ATP8B4: variants seen among roughly 807,000 people sequenced by gnomAD.
ATP8B4 encodes the protein probable phospholipid-transporting ATPase IM.
Under a neutral mutation model 145.6 loss-of-function variants are expected in ATP8B4, and 133 were observed. The observed-to-expected ratio is 0.91, with a 90% CI of 0.79 to 1.05. ATP8B4 has a LOEUF of 1.05. Among genes scored for constraint, ATP8B4 ranks in the 50% least tolerant of loss-of-function variants. The pLI is 0.00. For missense variants in ATP8B4, 1,458 were observed against 1,425.2 expected, an observed-to-expected ratio of 1.02 and a Z score of -0.37; for synonymous variants, 507 against 492.9, an observed-to-expected ratio of 1.03 and a Z score of -0.38.
At chr15:50,181,213 A>G (rs969683959) in intron 1 of ATP8B4, among the ~76,000 whole-genome samples, 1 of 152,220 alleles carries the variant, frequency 6.6e-6, no homozygotes, top group Non-Finnish European at 1.5e-5. Flanking sequence ...TCAAATTAAG[A>G]TAGAGGAACA....
chr15:49,986,885 C>T (rs1330051996), intron 10 of ATP8B4, among the ~76,000 whole-genome samples: 1 of 138,216 alleles, frequency 7.2e-6, no homozygotes, highest in Non-Finnish European at 1.5e-5. Flanking sequence ...CCATCATGCA[C>T]AGTCTTTCCA....
intron 20 of ATP8B4, among the ~76,000 whole-genome samples, chr15:49,916,002 T>C (rs540659119): frequency 2.6e-5 from 4 of 152,032 alleles, no homozygotes; most frequent in South Asian, 2.1e-4. Flanking sequence ...TACTATTATA[T>C]TGAAGGAAGG....
At chr15:50,017,991 C>T (rs12591112) in intron 6 of ATP8B4, among the ~76,000 whole-genome samples, 27 of 140,284 alleles carry the variant, frequency 1.9e-4, no homozygotes, top group Middle Eastern at 3.7e-3. Flanking sequence ...CTTTTTTTTT[C>T]TTTTTTTTTT....
intron 14 of ATP8B4, among the ~76,000 whole-genome samples, chr15:49,954,969 T>C (rs1252697546): frequency 6.6e-6 from 1 of 152,198 alleles, no homozygotes; most frequent in African/African-American, 2.4e-5. Context: ...GTGGTAAATA[T>C]ACACTATGCA....
At chr15:49,962,937 T>C (rs924617296) in intron 13 of ATP8B4, among the ~76,000 whole-genome samples, 2 of 150,380 alleles carry the variant, frequency 1.3e-5, no homozygotes, top group Non-Finnish European at 2.9e-5. Context: ...CTTATAATAA[T>C]AATGAGTTAC....
intron 1 of ATP8B4, among the ~76,000 whole-genome samples, chr15:50,154,890 G>A (rs766294202): frequency 5.3e-5 from 8 of 151,934 alleles, no homozygotes; most frequent in South Asian, 2.1e-4. Context: ...TGGCCAGGCT[G>A]GACAGCAATT....
chr15:50,044,361 G>T (rs2051556536), intron 5 of ATP8B4, among the ~76,000 whole-genome samples: 1 of 152,194 alleles, frequency 6.6e-6, no homozygotes, highest in Non-Finnish European at 1.5e-5. Context: ...CTGGGCTTTA[G>T]TTTTCTCATC....
Position 49,860,077 on chromosome 15 carries a change from T to A in ATP8B4, c.*117A>T, listed in dbSNP as rs4494483. The A allele has an allele frequency of 0.26, 337,232 of 1,285,546 alleles. 46,394 individuals carry two copies. Among genetic ancestry groups the A allele is most frequent in the Middle Eastern group, 0.29 (1,517 of 5,164 alleles). 79.6% of individuals were successfully genotyped at this position (1,285,546 alleles called of 1,614,324 possible). Reference sequence around the variant, plus strand: ...GCAGTTGTCTGCCGCAGATTTAAGTTAAGTGAGGCAATCTGCCTGCCCCAC... The same window carrying A: ...GCAGTTGTCTGCCGCAGATTTAAGTAAAGTGAGGCAATCTGCCTGCCCCAC... On this transcript the variant is annotated 3_prime_UTR_variant, in exon 28 of 28. Transcript: ENST00000284509.
At chr15:49,996,873 A>C in intron 8 of ATP8B4, 114 bp from the exon 9 acceptor site, 1 of 718,044 alleles carries the variant, frequency 1.4e-6, no homozygotes, top group South Asian at 2.0e-5. Flanking sequence ...GATCCAAGAA[A>C]CTCTCCTTTG....
chr15:50,110,593 T>G (rs1172251946), intron 1 of ATP8B4, among the ~76,000 whole-genome samples: 4 of 152,232 alleles, frequency 2.6e-5, no homozygotes, highest in Non-Finnish European at 5.9e-5. Flanking sequence ...ATTTTGAAAT[T>G]TAACCCTTTA....
At chr15:50,072,938 CT>C (rs1265600876) in intron 3 of ATP8B4, among the ~76,000 whole-genome samples, 1 of 20,272 alleles carries the variant, frequency 4.9e-5, no homozygotes, top group African/African-American at 2.0e-4. Flanking sequence ...CTCTCTCTCT[CT>C]CTCTCTCTCT....
chr15:50,003,214 T>C (rs193260761), intron 7 of ATP8B4, among the ~76,000 whole-genome samples: 42 of 152,066 alleles, frequency 2.8e-4, no homozygotes, highest in African/African-American at 9.9e-4. Flanking sequence ...AAATTTAGAA[T>C]CAACTTACTT....
rs569623669 is a variant in ATP8B4, at chr15:50,154,643, T to G, written c.-43+27618A>C. Among the ~76,000 whole-genome samples, 498 of 152,316 alleles carry G rather than the reference T, an allele frequency of 3.3e-3. 1 individual carries two copies. The highest frequency in any genetic ancestry group is 0.011 in the African/African-American group (477 of 41,562). ...TTAATGTATGAGTATCCAAATATATTTAGTCTTTCTATAAAACAAACATAT... is the reference window on the plus strand; with the variant it reads ...TTAATGTATGAGTATCCAAATATATGTAGTCTTTCTATAAAACAAACATAT... On this transcript the variant is annotated intron_variant, in intron 1 of 3. Coordinates refer to the ATP8B4 transcript ENST00000558829.
chr15:50,017,010 G>C (rs1411262878), intron 6 of ATP8B4, among the ~76,000 whole-genome samples: 1 of 152,172 alleles, frequency 6.6e-6, no homozygotes, highest in South Asian at 2.1e-4. Context: ...ACCTCCCAAA[G>C]TGCTGAGATT....
chr15:49,943,106 C>T (rs2042292404), intron 14 of ATP8B4, among the ~76,000 whole-genome samples: 1 of 151,582 alleles, frequency 6.6e-6, no homozygotes, highest in Non-Finnish European at 1.5e-5. Flanking sequence ...GGTTCAACAG[C>T]AGACTTGATC....
At chr15:50,003,697 G>A (rs1280476216) in intron 7 of ATP8B4, among the ~76,000 whole-genome samples, 2 of 152,142 alleles carry the variant, frequency 1.3e-5, no homozygotes, top group Non-Finnish European at 2.9e-5. Flanking sequence ...AAAGGCTCAT[G>A]TTAAACAAAA....
intron 26 of ATP8B4, among the ~76,000 whole-genome samples, chr15:49,862,830 A>T (rs1598760381): frequency 6.6e-6 from 1 of 152,236 alleles, no homozygotes; most frequent in South Asian, 2.1e-4. Flanking sequence ...TGCTAAGATC[A>T]CCCTCAGGAA....
At chr15:50,021,219 A>T (rs1027629181) in intron 6 of ATP8B4, among the ~76,000 whole-genome samples, 1 of 152,128 alleles carries the variant, frequency 6.6e-6, no homozygotes, top group African/African-American at 2.4e-5. Flanking sequence ...TGTCCATGGC[A>T]TCATCATCAT....
At chr15:50,139,349 C>A (rs2044176489) in intron 1 of ATP8B4, among the ~76,000 whole-genome samples, 1 of 152,034 alleles carries the variant, frequency 6.6e-6, no homozygotes, top group South Asian at 2.1e-4. Context: ...GAAAACCAAA[C>A]ACCGCATGTT....
Sources: allele counts gnomAD v4.1 joint callset (sites outside exome capture counted in the v4.1 genomes callset), GRCh38; gene constraint gnomAD v4.1.1; transcripts MANE v1.5; gene names NCBI Gene and HGNC (gene_info 2026-07-23, HGNC 2026-07-21).